NRXN3: variants seen among roughly 807,000 people sequenced by gnomAD.
The protein encoded by NRXN3 is neurexin III.
Under a neutral mutation model 137.6 loss-of-function variants are expected in NRXN3, and 32 were observed. The ratio of observed to expected loss-of-function variants is 0.23; its 90% CI spans 0.18 to 0.31. The LOEUF is 0.31. Ranked by LOEUF, NRXN3 falls within the 10% of genes least tolerant of loss-of-function variation. NRXN3 has a pLI of 1.00. For missense variants in NRXN3, 1,574 were observed against 2,062.5 expected (o/e 0.76, Z 4.59); for synonymous variants, 798 against 784.5 (o/e 1.02, Z -0.29).
At chr14:78,490,793 C>T (rs1040996823) in intron 4 of NRXN3, among the ~76,000 whole-genome samples, 4 of 152,004 alleles carry the variant, frequency 2.6e-5, no homozygotes, top group Admixed American at 2.0e-4. Flanking sequence ...GTTATTATTC[C>T]GATTTTACAT....
chr14:78,948,211 C>A (rs1384543120), intron 10 of NRXN3, among the ~76,000 whole-genome samples: 9 of 152,188 alleles, frequency 5.9e-5, no homozygotes, highest in African/African-American at 2.2e-4. Context: ...TGTCAAGATT[C>A]CTGCTCTAAG....
intron 19 of NRXN3, among the ~76,000 whole-genome samples, chr14:79,705,751 T>C (rs10400751): frequency 0.23 from 34,839 of 152,010 alleles, 4,541 homozygotes; most frequent in African/African-American, 0.36. Flanking sequence ...GAAAGGACCT[T>C]CTTGACCGTC....
intron 19 of NRXN3, among the ~76,000 whole-genome samples, chr14:79,773,936 T>A (rs2099088463): frequency 6.6e-6 from 1 of 151,682 alleles, no homozygotes; most frequent in Non-Finnish European, 1.5e-5. Flanking sequence ...AGTTGCTCAA[T>A]AAATATTTGT....
chr14:79,201,332 A>ATG (rs2065973828), intron 15 of NRXN3: 2 of 152,182 alleles, frequency 1.3e-5, no homozygotes, highest in African/African-American at 2.4e-5. Context: ...ATACCAACTC[A>ATG]ATTCATATTT....
intron 15 of NRXN3, among the ~76,000 whole-genome samples, chr14:79,269,692 G>C (rs1183492553): frequency 2.6e-5 from 4 of 152,078 alleles, no homozygotes; most frequent in Non-Finnish European, 4.4e-5. Flanking sequence ...GAACAATAGG[G>C]TAAGCAAGCC....
intron 15 of NRXN3, among the ~76,000 whole-genome samples, chr14:79,286,358 A>C (rs546560147): frequency 6.6e-6 from 1 of 152,120 alleles, no homozygotes; most frequent in South Asian, 2.1e-4. Flanking sequence ...ACTAAGTATA[A>C]ATTTCTCGTT....
intron 8 of NRXN3, among the ~76,000 whole-genome samples, chr14:78,722,830 T>C (rs1024506774): frequency 8.5e-5 from 13 of 152,064 alleles, no homozygotes; most frequent in African/African-American, 2.7e-4. Context: ...ATCTGAGCAA[T>C]TGGGACATGA....
At chr14:79,176,910 A>G (rs967748524) in intron 15 of NRXN3, among the ~76,000 whole-genome samples, 1 of 152,180 alleles carries the variant, frequency 6.6e-6, no homozygotes, top group Admixed American at 6.5e-5. Context: ...TCCCTATCAC[A>G]GTCTTTTTGA....
intron 15 of NRXN3, among the ~76,000 whole-genome samples, chr14:79,150,160 T>C (rs2059669976): frequency 6.6e-6 from 1 of 152,084 alleles, no homozygotes. Context: ...TCACAAATTA[T>C]GGGTTCCAGT....
intron 15 of NRXN3, among the ~76,000 whole-genome samples, chr14:79,455,497 A>G (rs573402259): frequency 5.4e-4 from 82 of 152,306 alleles, no homozygotes; most frequent in Non-Finnish European, 9.1e-4. Context: ...TACCTGTAAA[A>G]TCACCTAGAT....
chr14:79,342,212 G>C (rs1190516418), intron 15 of NRXN3, among the ~76,000 whole-genome samples: 3 of 152,062 alleles, frequency 2.0e-5, no homozygotes, highest in Non-Finnish European at 4.4e-5. Flanking sequence ...TTTATTCTAT[G>C]GTGCAGAGAG....
intron 15 of NRXN3, among the ~76,000 whole-genome samples, chr14:79,452,413 T>A (rs2096189721): frequency 6.6e-6 from 1 of 152,208 alleles, no homozygotes; most frequent in Admixed American, 6.5e-5. Flanking sequence ...TTGCAGCATG[T>A]CATATCTGTA....
intron 2 of NRXN3, among the ~76,000 whole-genome samples, chr14:78,264,698 A>G (rs1298002979): frequency 3.3e-5 from 5 of 152,130 alleles, no homozygotes; most frequent in Non-Finnish European, 7.4e-5. Flanking sequence ...CTCTCTCTGA[A>G]TGTATTTGTC....
intron 4 of NRXN3, among the ~76,000 whole-genome samples, chr14:78,468,415 G>A (rs139598989): frequency 6.6e-6 from 1 of 152,198 alleles, no homozygotes; most frequent in East Asian, 1.9e-4. Context: ...TGTCTGAGAT[G>A]GTTTGGCTTT....
intron 10 of NRXN3, among the ~76,000 whole-genome samples, chr14:78,943,538 G>A (rs2099357217): frequency 6.8e-6 from 1 of 146,780 alleles, no homozygotes; most frequent in South Asian, 2.2e-4. Context: ...TGTGAGTGGA[G>A]TGAAATTTAA....
intron 4 of NRXN3, among the ~76,000 whole-genome samples, chr14:78,315,237 C>T (rs1405258810): frequency 6.6e-6 from 1 of 151,952 alleles, no homozygotes; most frequent in Non-Finnish European, 1.5e-5. Flanking sequence ...AGTTGATCCG[C>T]CCACCTCAGC....
intron 15 of NRXN3, among the ~76,000 whole-genome samples, chr14:79,123,298 TTC>T (rs2055814090): frequency 6.6e-6 from 1 of 152,114 alleles, no homozygotes; most frequent in African/African-American, 2.4e-5. Flanking sequence ...CTGTCCATTA[TTC>T]AACTCAATGT....
intron 1 of NRXN3, among the ~76,000 whole-genome samples, chr14:78,219,752 C>G (rs895841696): frequency 6.6e-6 from 1 of 152,100 alleles, no homozygotes; most frequent in African/African-American, 2.4e-5. Context: ...CTTTAGAAGC[C>G]TGGGAGTGAT....
intron 10 of NRXN3, among the ~76,000 whole-genome samples, chr14:78,922,807 G>A (rs1489533011): frequency 1.3e-5 from 2 of 152,114 alleles, no homozygotes; most frequent in Non-Finnish European, 2.9e-5. Context: ...CATGGCACAT[G>A]TTTACCTATG....
Sources: gnomAD v4.1 joint callset for allele counts (sites outside exome capture counted in the v4.1 genomes callset) on GRCh38, gnomAD v4.1.1 for gene constraint, MANE v1.5 for transcripts, NCBI Gene and HGNC (gene_info 2026-07-23, HGNC 2026-07-21) for gene names.